The following LRRIQ1 variants were observed in gnomAD, a reference collection of about 807,000 sequenced individuals.
LRRIQ1 encodes leucine rich repeats and IQ motif containing 1.
In LRRIQ1, 210 loss-of-function variants were observed where a neutral mutation model predicts 211.9. That is an observed-to-expected ratio of 0.99 (90% CI 0.89 to 1.11). The LOEUF (loss-of-function observed/expected upper bound fraction) is 1.11. LRRIQ1 is among the 50% of genes most tolerant of loss of function. LRRIQ1 has a pLI of 0.00. For missense variants in LRRIQ1, 2,136 were observed against 1,939.5 expected, an observed-to-expected ratio of 1.10 and a Z score of -1.90; for synonymous variants, 699 against 650.1, an observed-to-expected ratio of 1.08 and a Z score of -1.14.
At chr12:85,072,457 A>G (rs1883189775) in intron 10 of LRRIQ1, among the ~76,000 whole-genome samples, 2 of 151,698 alleles carry the variant, frequency 1.3e-5, no homozygotes, top group African/African-American at 4.8e-5. Context: ...TAATTTTTTT[A>G]AAGGTGATCT....
intron 24 of LRRIQ1, among the ~76,000 whole-genome samples, chr12:85,186,122 T>A (rs1892217454): frequency 6.6e-6 from 1 of 152,142 alleles, no homozygotes; most frequent in Non-Finnish European, 1.5e-5. Flanking sequence ...TATGAAAGTT[T>A]GTTTTATTGT....
At chr12:85,227,628 A>G (rs1447498359) in intron 24 of LRRIQ1, among the ~76,000 whole-genome samples, 1 of 152,168 alleles carries the variant, frequency 6.6e-6, no homozygotes, top group African/African-American at 2.4e-5. Context: ...TGCCATCCCC[A>G]TCAAGCTACC....
intron 25 of LRRIQ1, among the ~76,000 whole-genome samples, chr12:85,232,041 T>C (rs747393038): frequency 2.7e-4 from 41 of 152,078 alleles, no homozygotes; most frequent in South Asian, 1.0e-3. Flanking sequence ...AAGAAAAATA[T>C]AAGAAAAATG....
chr12:85,111,097 T>C (rs1887140244), intron 15 of LRRIQ1, among the ~76,000 whole-genome samples: 1 of 152,074 alleles, frequency 6.6e-6, no homozygotes, highest in Admixed American at 6.6e-5. Flanking sequence ...TTATTTCTTG[T>C]TTACATTACA....
intron 24 of LRRIQ1, among the ~76,000 whole-genome samples, chr12:85,216,914 T>C (rs1319199437): frequency 6.6e-6 from 1 of 152,018 alleles, no homozygotes; most frequent in Non-Finnish European, 1.5e-5. Context: ...GGAAAACTCT[T>C]AAATATTCAG....
intron 15 of LRRIQ1, among the ~76,000 whole-genome samples, chr12:85,108,310 T>C (rs894750243): frequency 2.6e-5 from 4 of 152,104 alleles, no homozygotes; most frequent in African/African-American, 7.2e-5. Flanking sequence ...TTTCTGAGTA[T>C]TTTTTCCAGA....
At chr12:85,208,625 G>A (rs986957028) in intron 24 of LRRIQ1, among the ~76,000 whole-genome samples, 7 of 151,882 alleles carry the variant, frequency 4.6e-5, no homozygotes, top group Admixed American at 2.0e-4. Context: ...ATTAAGCAAC[G>A]AGACCAGTAA....
At chr12:85,264,490 C>T (rs1382458352), downstream of LRRIQ1, 1 of 151,894 alleles carries the variant, frequency 6.6e-6, no homozygotes, top group Non-Finnish European at 1.5e-5. Context: ...TTTTATAGTG[C>T]TGTTTATTGT....
At chr12:85,153,869 G>A in intron 22 of LRRIQ1, 111 bp downstream of exon 22, 1 of 937,808 alleles carries the variant, frequency 1.1e-6, no homozygotes, top group Non-Finnish European at 1.5e-6. Context: ...TTTATAAATT[G>A]TCCATCCAAT....
At chr12:85,235,944 A>G (rs188666159) in intron 26 of LRRIQ1, among the ~76,000 whole-genome samples, 33 of 152,344 alleles carry the variant, frequency 2.2e-4, no homozygotes, top group African/African-American at 7.9e-4. Flanking sequence ...AAGCTAAAGC[A>G]AACTTCATGG....
At chr12:85,183,857 C>A (rs758627594) in intron 24 of LRRIQ1, among the ~76,000 whole-genome samples, 3 of 151,984 alleles carry the variant, frequency 2.0e-5, no homozygotes, top group Admixed American at 6.6e-5. Flanking sequence ...TGTTTGTTTA[C>A]TGTTATACTC....
intron 15 of LRRIQ1, among the ~76,000 whole-genome samples, chr12:85,115,848 G>A (rs1887531970): frequency 6.6e-6 from 1 of 151,924 alleles, no homozygotes; most frequent in South Asian, 2.1e-4. Context: ...TATGCTTATA[G>A]TAAAATATAT....
At chr12:85,219,035 T>C (rs1266872582) in intron 24 of LRRIQ1, among the ~76,000 whole-genome samples, 5 of 152,132 alleles carry the variant, frequency 3.3e-5, no homozygotes, top group African/African-American at 7.2e-5. Context: ...CTAAGGCAAG[T>C]ACCTCACTTG....
intron 10 of LRRIQ1, among the ~76,000 whole-genome samples, chr12:85,069,887 G>A (rs1457088907): frequency 6.6e-6 from 1 of 151,942 alleles, no homozygotes; most frequent in Non-Finnish European, 1.5e-5. Context: ...CATTCTGTAG[G>A]TTGCCTGTTC....
At position 85,098,975 on chromosome 12, in the gene LRRIQ1, A is replaced by G; in HGVS notation, c.3190A>G (p.Ile1064Val). 6.4e-7 allele frequency: 1 copy of G among 1,564,412 alleles called. No individual in the cohort carries two copies. Among genetic ancestry groups the G allele is most frequent in the Non-Finnish European group, 8.7e-7 (1 of 1,150,846 alleles). Residue 1064 changes from isoleucine to valine, a missense_variant, in exon 13 of 27, where the codon ATT becomes GTT. Physicochemically the swap from Ile to Val is conservative, Grantham distance 29 (BLOSUM62 3). Transcript: ENST00000393217. ...SSYWLPLLQN[I>V]TISQNSLTKI... is the part of the protein sequence containing the mutation. ...ATACTGGCTGCCTTTACTACAAAAT[A>G]TTACTATCTCTCAAAACAGGTAAAA...
intron 1 of LRRIQ1, among the ~76,000 whole-genome samples, chr12:85,250,948 T>A (rs1196541527): frequency 2.7e-5 from 3 of 110,522 alleles, no homozygotes; most frequent in Non-Finnish European, 5.1e-5. Context: ...ATAATATATT[T>A]TATATATTAT....
At chr12:85,196,124 G>A (rs1892893937) in intron 24 of LRRIQ1, among the ~76,000 whole-genome samples, 3 of 152,146 alleles carry the variant, frequency 2.0e-5, no homozygotes, top group Non-Finnish European at 2.9e-5. Flanking sequence ...TACAAGGGAT[G>A]TGAAGGACCT....
intron 15 of LRRIQ1, among the ~76,000 whole-genome samples, chr12:85,111,156 G>T (rs1055988462): frequency 3.9e-5 from 6 of 152,102 alleles, no homozygotes; most frequent in African/African-American, 1.4e-4. Context: ...AGAAACTCAG[G>T]CTGCTTCCAT....
chr12:85,126,781 G>A (rs1888396936), intron 17 of LRRIQ1, among the ~76,000 whole-genome samples: 1 of 151,804 alleles, frequency 6.6e-6, no homozygotes, highest in Admixed American at 6.6e-5. Flanking sequence ...AACAACAATA[G>A]AAAATGGCTT....
Sources: gnomAD v4.1 joint callset for allele counts (sites outside exome capture counted in the v4.1 genomes callset) on GRCh38, gnomAD v4.1.1 for gene constraint, MANE v1.5 for transcripts, NCBI Gene and HGNC (gene_info 2026-07-23, HGNC 2026-07-21) for gene names.